The following AKT3 variants were observed in gnomAD, a reference collection of about 807,000 sequenced individuals.
The protein encoded by AKT3 is RAC-gamma serine/threonine-protein kinase.
Under a neutral mutation model 65.3 loss-of-function variants are expected in AKT3, and 15 were observed. That is an observed-to-expected ratio of 0.23 (90% CI 0.15 to 0.35). The LOEUF (loss-of-function observed/expected upper bound fraction) is 0.35. Among genes scored for constraint, AKT3 ranks in the 10% least tolerant of loss-of-function variants. The pLI, the probability that AKT3 is intolerant of heterozygous loss-of-function variation, is 1.00. For missense variants in AKT3, 243 were observed against 576.5 expected (o/e 0.42, Z 5.92); for synonymous variants, 206 against 183.8 (o/e 1.12, Z -0.98).
chr1:243,768,807 T>C (rs1452201410), intron 2 of AKT3, among the ~76,000 whole-genome samples: 1 of 137,130 alleles, frequency 7.3e-6, no homozygotes, highest in African/African-American at 2.8e-5. Flanking sequence ...TGTACTCCAG[T>C]CCGGGCAAGA....
In AKT3 at chr1:243,757,632, AAAG is replaced by A. The variant is rs139665432; in HGVS notation, c.47-61919_47-61917del. ...GAAACTCCATCTCAGAAAAAAAGAT[AAAG>A]AAGAAAAAGCATTATTCTTACAACT... On this transcript the variant is annotated intron_variant, in intron 2 of 13. Coordinates refer to ENST00000673466, the MANE Select transcript of AKT3 (RefSeq NM_005465.7). Among the ~76,000 whole-genome samples, 189 of 152,324 alleles carry A rather than the reference AAAG, an allele frequency of 1.2e-3. 5 individuals carry two copies. In the East Asian group the frequency reaches 0.036, roughly 29 times the overall value.
At chr1:243,660,464 T>C (rs1337245800) in intron 4 of AKT3, among the ~76,000 whole-genome samples, 4 of 152,192 alleles carry the variant, frequency 2.6e-5, no homozygotes, top group South Asian at 2.1e-4. Flanking sequence ...AAAAACCACA[T>C]GATTATCTCA....
At chr1:243,663,441 G>C (rs1682531712) in intron 4 of AKT3, among the ~76,000 whole-genome samples, 1 of 151,180 alleles carries the variant, frequency 6.6e-6, no homozygotes, top group Non-Finnish European at 1.5e-5. Context: ...GTGGGGAGGG[G>C]AGGGTGTGCG....
intron 13 of AKT3, chr1:243,488,897 C>T (rs763319840): frequency 4.7e-6 from 7 of 1,475,594 alleles, no homozygotes; most frequent in Non-Finnish European, 6.6e-6. Context: ...TCAGGGTCAC[C>T]CTAGGCGTCC....
chr1:243,651,803 T>C (rs1231076069), intron 4 of AKT3, among the ~76,000 whole-genome samples: 2 of 152,148 alleles, frequency 1.3e-5, no homozygotes, highest in Admixed American at 1.3e-4. Context: ...TGCCAGTATT[T>C]TACTGAGGAT....
At chr1:243,540,544 T>A (rs1239858487) in intron 12 of AKT3, among the ~76,000 whole-genome samples, 1 of 152,176 alleles carries the variant, frequency 6.6e-6, no homozygotes, top group Non-Finnish European at 1.5e-5. Flanking sequence ...ATAGTACACA[T>A]AGTTACCATA....
intron 6 of AKT3, among the ~76,000 whole-genome samples, chr1:243,616,763 C>T (rs1178481442): frequency 6.6e-6 from 1 of 152,096 alleles, no homozygotes; most frequent in Admixed American, 6.6e-5. Context: ...ATCAAAGAAG[C>T]TAAGATCCCA....
At chr1:243,771,848 C>A (rs1002853894) in intron 2 of AKT3, among the ~76,000 whole-genome samples, 1 of 152,052 alleles carries the variant, frequency 6.6e-6, no homozygotes, top group Admixed American at 6.6e-5. Context: ...GAGATACAGA[C>A]CAATGGAACA....
rs1310783542 is a variant in AKT3 at position 243,738,744 on chromosome 1, T to C, written c.47-43028A>G. Reference sequence around the variant, plus strand: ...TAGTGTTCAGTTACAATCTAAGAAATGCAAAACTATGTAACTCTAAAGAAG... The same window carrying C: ...TAGTGTTCAGTTACAATCTAAGAAACGCAAAACTATGTAACTCTAAAGAAG... On this transcript the variant is annotated intron_variant, in intron 2 of 13. Coordinates refer to ENST00000673466, the MANE Select transcript of AKT3 (RefSeq NM_005465.7). Among the ~76,000 whole-genome samples, 4 of 152,102 alleles carry C rather than the reference T, an allele frequency of 2.6e-5. No homozygotes were observed. The South Asian group carries it at 8.3e-4, about 31-fold the overall frequency.
chr1:243,616,771 C>T (rs114071120), intron 6 of AKT3, among the ~76,000 whole-genome samples: 3,199 of 152,092 alleles, frequency 0.021, 55 homozygotes, highest in Non-Finnish European at 0.034. Context: ...AGCTAAGATC[C>T]CACAACCATT....
intron 13 of AKT3, among the ~76,000 whole-genome samples, chr1:243,493,542 G>A (rs1667083380): frequency 6.6e-6 from 1 of 152,030 alleles, no homozygotes; most frequent in Non-Finnish European, 1.5e-5. Flanking sequence ...GTCGTATCCT[G>A]AGCAGGCTGC....
chr1:243,596,028 A>G (rs1676588002), intron 8 of AKT3, among the ~76,000 whole-genome samples: 1 of 152,252 alleles, frequency 6.6e-6, no homozygotes, highest in African/African-American at 2.4e-5. Flanking sequence ...AATGCACTGC[A>G]GTATGACTTA....
intron 2 of AKT3, among the ~76,000 whole-genome samples, chr1:243,703,630 G>T (rs371216219): frequency 6.6e-6 from 1 of 151,336 alleles, no homozygotes; most frequent in Non-Finnish European, 1.5e-5. Flanking sequence ...GTGGTGGCGG[G>T]GCCCTTATAA....
intron 8 of AKT3, among the ~76,000 whole-genome samples, chr1:243,602,660 A>G (rs1253044963): frequency 6.6e-6 from 1 of 152,206 alleles, no homozygotes; most frequent in African/African-American, 2.4e-5. Context: ...AATCTCAAGA[A>G]TGGCAAGAAC....
intron 8 of AKT3, among the ~76,000 whole-genome samples, chr1:243,589,134 C>T (rs527445080): frequency 5.9e-5 from 9 of 151,474 alleles, no homozygotes; most frequent in South Asian, 2.1e-4. Flanking sequence ...GGTGAAACCC[C>T]GTCTCTACTA....
intron 6 of AKT3, among the ~76,000 whole-genome samples, chr1:243,633,456 G>C (rs528783664): frequency 3.2e-4 from 49 of 152,128 alleles, no homozygotes; most frequent in African/African-American, 1.1e-3. Context: ...CTTGTTTTTG[G>C]ACACACAATG....
intron 8 of AKT3, among the ~76,000 whole-genome samples, chr1:243,576,313 T>G (rs1278102603): frequency 6.6e-6 from 1 of 152,144 alleles, no homozygotes; most frequent in African/African-American, 2.4e-5. Flanking sequence ...GCATTCTCCT[T>G]GAAAACCAGC....
chr1:243,727,710 C>A (rs1020725349), intron 2 of AKT3, among the ~76,000 whole-genome samples: 3 of 152,056 alleles, frequency 2.0e-5, no homozygotes, highest in Non-Finnish European at 2.9e-5. Context: ...AGTTTCACAT[C>A]CTCTTTCTTA....
At chr1:243,813,205 T>G (rs1334178791) in intron 2 of AKT3, among the ~76,000 whole-genome samples, 1 of 152,054 alleles carries the variant, frequency 6.6e-6, no homozygotes, top group African/African-American at 2.4e-5. Context: ...ATCTTTACAG[T>G]GAAGAGATCC....
Sources: gnomAD v4.1 joint callset for allele counts (sites outside exome capture counted in the v4.1 genomes callset) on GRCh38, gnomAD v4.1.1 for gene constraint, MANE v1.5 for transcripts, NCBI Gene and HGNC (gene_info 2026-07-23, HGNC 2026-07-21) for gene names.